Variants in GALNT13 observed in about 807,000 individuals in gnomAD.
GALNT13 encodes the protein UDP-GalNAc:polypeptide N-acetylgalactosaminyltransferase 13.
In GALNT13, 28 loss-of-function variants were observed where a neutral mutation model predicts 64.2. The ratio of observed to expected loss-of-function variants is 0.44; its 90% CI spans 0.32 to 0.60. The LOEUF is 0.60. Among genes scored for constraint, GALNT13 ranks in the 20% least tolerant of loss-of-function variants. The pLI is 0.05. For synonymous variants in GALNT13, 214 were observed against 224.6 expected (o/e 0.95, Z 0.42); for missense variants, 577 against 669.8 (o/e 0.86, Z 1.53).
chr2:153,665,485 C>CA, the GALNT13 span, among the ~76,000 whole-genome samples: 6 of 150,292 alleles, frequency 4.0e-5, no homozygotes, highest in Non-Finnish European at 7.4e-5. Context: ...TCTCTTCCCC[C>CA]ACCACCTCCC....
chr2:153,273,632 A>G, the GALNT13 span, among the ~76,000 whole-genome samples: 5 of 152,208 alleles, frequency 3.3e-5, no homozygotes, highest in Admixed American at 3.3e-4. Flanking sequence ...AAATATTTAT[A>G]TAGTGTTCAA....
At chr2:153,237,607 A>G in the GALNT13 span, among the ~76,000 whole-genome samples, 9 of 152,116 alleles carry the variant, frequency 5.9e-5, no homozygotes, top group East Asian at 1.7e-3. Flanking sequence ...GGCTTATTTC[A>G]CTTAACATAA....
At chr2:153,915,458 C>A (rs1689264017) in intron 2 of GALNT13, among the ~76,000 whole-genome samples, 1 of 152,108 alleles carries the variant, frequency 6.6e-6, no homozygotes, top group South Asian at 2.1e-4. Context: ...ATTTGTTACA[C>A]TTTTAGCTGT....
chr2:154,017,101 A>G (rs561416304), intron 3 of GALNT13, among the ~76,000 whole-genome samples: 11 of 152,308 alleles, frequency 7.2e-5, no homozygotes, highest in Admixed American at 5.2e-4. Flanking sequence ...AAGAACAGAT[A>G]ACAGAGTATC....
the GALNT13 span, among the ~76,000 whole-genome samples, chr2:153,726,709 A>AG: frequency 2.2e-3 from 329 of 152,070 alleles, 1 homozygote; most frequent in African/African-American, 7.7e-3. Flanking sequence ...TGGGAGGCCG[A>AG]GGGGGCGGAT....
chr2:153,957,002 G>C (rs527612396), intron 3 of GALNT13, among the ~76,000 whole-genome samples: 1 of 152,168 alleles, frequency 6.6e-6, no homozygotes, highest in African/African-American at 2.4e-5. Flanking sequence ...ATTTACCAAA[G>C]TAAAAATCTT....
At chr2:154,291,159 C>G (rs1692606512) in intron 8 of GALNT13, among the ~76,000 whole-genome samples, 1 of 152,078 alleles carries the variant, frequency 6.6e-6, no homozygotes, top group African/African-American at 2.4e-5. Flanking sequence ...CCACCCACAT[C>G]CTACTGATTG....
At chr2:153,989,630 A>G (rs771762302) in intron 3 of GALNT13, among the ~76,000 whole-genome samples, 1 of 152,004 alleles carries the variant, frequency 6.6e-6, no homozygotes, top group Non-Finnish European at 1.5e-5. Flanking sequence ...TGGGTGTAGC[A>G]AGGCACAGGG....
the GALNT13 span, among the ~76,000 whole-genome samples, chr2:153,714,552 AT>A: frequency 2.0e-5 from 3 of 152,152 alleles, no homozygotes; most frequent in African/African-American, 4.8e-5. Context: ...CCAGAGACCA[AT>A]TTTTTTAATG....
chr2:154,023,950 A>T (rs933818729), intron 3 of GALNT13, among the ~76,000 whole-genome samples: 1 of 152,208 alleles, frequency 6.6e-6, no homozygotes, highest in Admixed American at 6.5e-5. Context: ...TCCTTCACTT[A>T]TGAAGCTTAG....
intron 9 of GALNT13, among the ~76,000 whole-genome samples, chr2:154,348,084 G>A (rs1445155494): frequency 6.6e-6 from 1 of 152,190 alleles, no homozygotes; most frequent in Non-Finnish European, 1.5e-5. Context: ...GAGATTGACT[G>A]TAATTCTATA....
chr2:153,532,859 G>T, the GALNT13 span, among the ~76,000 whole-genome samples: 1,636 of 152,268 alleles, frequency 0.011, 30 homozygotes, highest in African/African-American at 0.037. Flanking sequence ...AGTTACCTTT[G>T]CTCCAGTTCC....
the GALNT13 span, among the ~76,000 whole-genome samples, chr2:153,251,092 T>G: frequency 5.3e-5 from 8 of 152,184 alleles, no homozygotes; most frequent in East Asian, 1.3e-3. Flanking sequence ...TAGTAGGTCC[T>G]CTAAAGTCCA....
the GALNT13 span, among the ~76,000 whole-genome samples, chr2:153,096,027 A>C: frequency 1.4e-5 from 2 of 142,600 alleles, no homozygotes; most frequent in Non-Finnish European, 3.0e-5. Flanking sequence ...AACTTAAAGT[A>C]TAATAAAATA....
intron 8 of GALNT13, among the ~76,000 whole-genome samples, chr2:154,291,509 G>A (rs1355140234): frequency 6.6e-6 from 1 of 152,202 alleles, no homozygotes; most frequent in South Asian, 2.1e-4. Context: ...GGGGGACTTT[G>A]CGGCACCTAG....
At chr2:154,215,859 G>C (rs1414636100) in intron 4 of GALNT13, among the ~76,000 whole-genome samples, 1 of 152,076 alleles carries the variant, frequency 6.6e-6, no homozygotes, top group African/African-American at 2.4e-5. Context: ...GAGCAGGTTA[G>C]AATATTTTGC....
the GALNT13 span, among the ~76,000 whole-genome samples, chr2:153,574,715 C>A: frequency 6.4e-5 from 9 of 141,234 alleles, no homozygotes; most frequent in Non-Finnish European, 1.2e-4. Flanking sequence ...TTATTTCAAT[C>A]TTTTTTTTTT....
the GALNT13 span, among the ~76,000 whole-genome samples, chr2:153,757,532 G>T: frequency 6.6e-6 from 1 of 152,198 alleles, no homozygotes; most frequent in Non-Finnish European, 1.5e-5. Context: ...TAGTGAAATT[G>T]TATTTTTACT....
At chr2:153,940,816 C>T (rs1691290952) in intron 2 of GALNT13, among the ~76,000 whole-genome samples, 1 of 152,076 alleles carries the variant, frequency 6.6e-6, no homozygotes, top group African/African-American at 2.4e-5. Context: ...TCAAGGATAG[C>T]CTCAGAAAAT....
Sources: allele counts gnomAD v4.1 joint callset (sites outside exome capture counted in the v4.1 genomes callset), GRCh38; gene constraint gnomAD v4.1.1; transcripts MANE v1.5; gene names NCBI Gene and HGNC (gene_info 2026-07-23, HGNC 2026-07-21).